The following PCDH15 variants were observed in gnomAD, a reference collection of about 807,000 sequenced individuals.
The protein encoded by PCDH15 is protocadherin related 15.
A neutral mutation model predicts 178.5 loss-of-function variants in PCDH15; 129 were observed. The observed-to-expected ratio is 0.72, with a 90% CI of 0.63 to 0.84. The LOEUF is 0.84. Among genes scored for constraint, PCDH15 ranks in the 40% least tolerant of loss-of-function variants. PCDH15 has a pLI of 0.00. For synonymous variants in PCDH15, 800 were observed against 732.0 expected (o/e 1.09, Z -1.50); for missense variants, 2,230 against 2,099.9 (o/e 1.06, Z -1.21).
chr10:54,144,482 T>A (rs1463592244), intron 14 of PCDH15, among the ~76,000 whole-genome samples: 2 of 152,162 alleles, frequency 1.3e-5, no homozygotes, highest in Non-Finnish European at 2.9e-5. Context: ...GCTAGACCCC[T>A]CATTCATCAT....
At chr10:55,292,542 C>T (rs142120302) in intron 1 of PCDH15, among the ~76,000 whole-genome samples, 340 of 151,956 alleles carry the variant, frequency 2.2e-3, no homozygotes, top group African/African-American at 7.6e-3. Context: ...CCACCACGAC[C>T]GGCTAATTTT....
intron 2 of PCDH15, among the ~76,000 whole-genome samples, chr10:55,015,005 G>C (rs550039422): frequency 3.3e-5 from 5 of 152,176 alleles, no homozygotes; most frequent in Non-Finnish European, 7.4e-5. Flanking sequence ...CAGATCACTT[G>C]AGGTCAGGAG....
intron 2 of PCDH15, among the ~76,000 whole-genome samples, chr10:55,140,840 G>C (rs1838333607): frequency 6.6e-6 from 1 of 151,840 alleles, no homozygotes; most frequent in Non-Finnish European, 1.5e-5. Context: ...TTGAGCAATG[G>C]GTTCATTTCA....
chr10:54,255,957 T>C (rs1183385222), intron 8 of PCDH15, among the ~76,000 whole-genome samples: 2 of 152,144 alleles, frequency 1.3e-5, no homozygotes, highest in South Asian at 4.1e-4. Context: ...CAAGAATAAC[T>C]TAAACTCCTT....
chr10:55,526,159 C>A (rs888765414), intron 2 of PCDH15, among the ~76,000 whole-genome samples: 1 of 151,854 alleles, frequency 6.6e-6, no homozygotes, highest in African/African-American at 2.4e-5. Flanking sequence ...TACTAATAGA[C>A]AAGACAGTGG....
At chr10:55,537,271 A>C (rs920774907) in intron 2 of PCDH15, among the ~76,000 whole-genome samples, 6 of 152,174 alleles carry the variant, frequency 3.9e-5, no homozygotes, top group Non-Finnish European at 7.3e-5. Context: ...CAGTTTTTTA[A>C]ATAATTTTAT....
chr10:55,134,872 C>G (rs138026589), intron 2 of PCDH15, among the ~76,000 whole-genome samples: 135 of 152,192 alleles, frequency 8.9e-4, no homozygotes, highest in Middle Eastern at 3.4e-3. Context: ...TAGGATTTCT[C>G]CAGGTATGAT....
chr10:55,422,549 G>T (rs1838648470), intron 2 of PCDH15, among the ~76,000 whole-genome samples: 1 of 151,814 alleles, frequency 6.6e-6, no homozygotes, highest in Non-Finnish European at 1.5e-5. Context: ...CCTCTAACCT[G>T]CAGAACATGT....
chr10:54,583,336 T>C (rs1424349668), intron 2 of PCDH15, among the ~76,000 whole-genome samples: 4 of 152,120 alleles, frequency 2.6e-5, no homozygotes, highest in African/African-American at 4.8e-5. Flanking sequence ...GTCTTTTATT[T>C]ACTTGTGCTA....
intron 26 of PCDH15, among the ~76,000 whole-genome samples, chr10:53,896,118 T>C (rs1564710372): frequency 6.6e-6 from 1 of 152,108 alleles, no homozygotes; most frequent in Admixed American, 6.5e-5. Context: ...TATTTATTCA[T>C]TTTATTTATT....
intron 2 of PCDH15, among the ~76,000 whole-genome samples, chr10:54,975,628 G>C (rs1244162610): frequency 1.3e-5 from 2 of 152,086 alleles, no homozygotes; most frequent in African/African-American, 2.4e-5. Context: ...AAACATTAAA[G>C]ATAACTAGAA....
intron 1 of PCDH15, among the ~76,000 whole-genome samples, chr10:55,288,402 G>T (rs1435574612): frequency 2.0e-5 from 3 of 151,640 alleles, no homozygotes; most frequent in Non-Finnish European, 4.4e-5. Context: ...CTGAAGAAAC[G>T]TGAATCAAAA....
chr10:55,265,350 A>G (rs2218448), intron 1 of PCDH15, among the ~76,000 whole-genome samples: 86,336 of 149,254 alleles, frequency 0.58, 25,624 homozygotes, highest in East Asian at 0.78. Context: ...ATATCTCTAT[A>G]ATAGATATAG....
chr10:54,056,936 C>T (rs771353801), intron 18 of PCDH15, among the ~76,000 whole-genome samples: 6 of 152,250 alleles, frequency 3.9e-5, no homozygotes, highest in East Asian at 1.9e-4. Flanking sequence ...ACAGGCCCCA[C>T]GCAAGTCCAA....
intron 2 of PCDH15, among the ~76,000 whole-genome samples, chr10:54,915,418 G>A (rs1307143981): frequency 6.6e-6 from 1 of 152,134 alleles, no homozygotes; most frequent in Non-Finnish European, 1.5e-5. Flanking sequence ...ATAGAAGAGG[G>A]CTTTCATAGC....
intron 37 of PCDH15, among the ~76,000 whole-genome samples, chr10:53,809,961 A>G (rs1045635196): frequency 3.3e-5 from 5 of 152,170 alleles, no homozygotes; most frequent in African/African-American, 1.2e-4. Flanking sequence ...ATCTCATTTT[A>G]TGAGAAATCT....
rs552407582 is a variant in PCDH15, at chr10:55,585,238, G to A, written c.-156+42387C>T. 1.1e-3 allele frequency among the ~76,000 whole-genome samples: 173 copies of A among 152,178 alleles called. 1 individual carries two copies. Among genetic ancestry groups the A allele is most frequent in the Middle Eastern group, 6.8e-3 (2 of 294 alleles). ...GGGGTAAAAAATTACATGGATAACA[G>A]AGACTAATGTTCTTGAAGAAAATCA... On this transcript the variant is annotated intron_variant, in intron 2 of 5. Transcript: ENST00000613346.
chr10:53,805,453 C>T lies in PCDH15; in HGVS notation c.*1126G>A, dbSNP rs1841090018. ...TGTGCTTTGTTCAATGGTAAAAAAT[C>T]AAGACCATGTTCTTTGATTTTAAAA... On this transcript the variant is annotated 3_prime_UTR_variant, in exon 38 of 38. Coordinates refer to ENST00000644397, the MANE Select transcript of PCDH15 (RefSeq NM_001384140.1). The T allele has an allele frequency of 6.6e-6, 1 of 151,968 alleles. No homozygotes were observed. Among genetic ancestry groups the T allele is most frequent in the Non-Finnish European group, 1.5e-5 (1 of 67,944 alleles). The allele number at this position is 151,968 out of a possible 1,614,324, so 9.4% of individuals were successfully genotyped here.
At chr10:55,047,786 T>C (rs1841049865) in intron 2 of PCDH15, among the ~76,000 whole-genome samples, 2 of 151,854 alleles carry the variant, frequency 1.3e-5, no homozygotes, top group Non-Finnish European at 3.0e-5. Context: ...ACCTACTTTT[T>C]TTCAGTTTTA....
Sources: allele counts gnomAD v4.1 joint callset (sites outside exome capture counted in the v4.1 genomes callset), GRCh38; gene constraint gnomAD v4.1.1; transcripts MANE v1.5; gene names NCBI Gene and HGNC (gene_info 2026-07-23, HGNC 2026-07-21).